Variants in AGO4 observed in about 807,000 individuals in gnomAD.
The protein encoded by AGO4 is argonaute RISC component 4.
A neutral mutation model predicts 104.7 loss-of-function variants in AGO4; 33 were observed. That is an observed-to-expected ratio of 0.32 (90% CI 0.24 to 0.42). AGO4 has a LOEUF of 0.42. AGO4 is among the 10% of genes least tolerant of loss of function. The pLI, the probability that AGO4 is intolerant of heterozygous loss-of-function variation, is 1.00. For missense variants in AGO4, 711 were observed against 1,083.4 expected (o/e 0.66, Z 4.83); for synonymous variants, 331 against 364.7 (o/e 0.91, Z 1.05).
At position 35,831,412 on chromosome 1, in the gene AGO4, C is replaced by A; in HGVS notation, c.849-15C>A. 6.4e-7 allele frequency: 1 copy of A among 1,565,600 alleles called. No homozygotes were observed. Among genetic ancestry groups the A allele is most frequent in the Non-Finnish European group, 8.6e-7 (1 of 1,162,012 alleles). On this transcript the variant is annotated splice_polypyrimidine_tract_variant and intron_variant, in intron 7 of 17. Coordinates refer to ENST00000373210, the MANE Select transcript of AGO4 (RefSeq NM_017629.4). ...ACTTGAAGAAATATTCTAAAAAAGA[C>A]ATTCTCTCCTATAGTTTTCCTTTGC...
Position 35,826,618 on chromosome 1 carries a change from G to A in AGO4, c.761-130G>A, listed in dbSNP as rs952335328. 6.1e-6 allele frequency: 5 copies of A among 819,428 alleles called. No homozygotes were observed. The African/African-American group carries it at 8.5e-5, about 14-fold the overall frequency. 50.8% of individuals were successfully genotyped at this position (819,428 alleles called of 1,614,324 possible). A position where few individuals can be genotyped will look rare whatever the true frequency, so the allele number is the denominator to read the frequency against. ...ACTCAGGTTTTTTGCCTATAACGAT[G>A]AAATTGTCCCCATATTCTTGCAATT... On this transcript the variant is annotated intron_variant, in intron 6 of 17. Coordinates refer to ENST00000373210, the MANE Select transcript of AGO4 (RefSeq NM_017629.4).
Position 35,850,144 on chromosome 1 carries a change from T to G in AGO4, c.2176-13T>G. 1.3e-6 allele frequency: 2 copies of G among 1,556,728 alleles called. No individual in the cohort carries two copies. Among genetic ancestry groups the G allele is most frequent in the Non-Finnish European group, 1.7e-6 (2 of 1,151,872 alleles). On this transcript the variant is annotated splice_polypyrimidine_tract_variant and intron_variant, in intron 15 of 17. Transcript: ENST00000373210. ...CACTTTGATGACTAATTACTTTTTTTTGTTTTTTGTAGGTAGGGAAAAGTG... is the reference window on the plus strand; with the variant it reads ...CACTTTGATGACTAATTACTTTTTTGTGTTTTTTGTAGGTAGGGAAAAGTG...
intron 2 of AGO4, among the ~76,000 whole-genome samples, chr1:35,822,403 G>A (rs1234767421): frequency 6.6e-6 from 1 of 151,636 alleles, no homozygotes; most frequent in East Asian, 1.9e-4. Flanking sequence ...TTACAGGCAC[G>A]TGCCACCATG....
At chr1:35,827,593 C>A (rs550009848) in intron 7 of AGO4, among the ~76,000 whole-genome samples, 1 of 152,152 alleles carries the variant, frequency 6.6e-6, no homozygotes, top group East Asian at 1.9e-4. Flanking sequence ...GCTTTTAACA[C>A]CAAAGTTTTA....
intron 12 of AGO4, among the ~76,000 whole-genome samples, chr1:35,834,735 A>T (rs1644265022): frequency 6.6e-6 from 1 of 152,118 alleles, no homozygotes; most frequent in Admixed American, 6.6e-5. Flanking sequence ...CAGCTCTGTC[A>T]CCCAGGCTGG....
chr1:35,818,946 T>C (rs1035909455), intron 2 of AGO4, among the ~76,000 whole-genome samples: 1 of 152,178 alleles, frequency 6.6e-6, no homozygotes, highest in Non-Finnish European at 1.5e-5. Context: ...GTGCTGAAAT[T>C]AGACCCTAGC....
At chr1:35,851,157 T>TAAATTGTA in intron 17 of AGO4, 104 bp downstream of exon 17, 1 of 1,184,676 alleles carries the variant, frequency 8.4e-7, no homozygotes, top group South Asian at 1.6e-5. Flanking sequence ...TTTCAGAGTT[T>TAAATTGTA]AAATTGTAAG....
Position 35,857,006 on chromosome 1 carries a change from G to T in AGO4, c.*3401G>T, listed in dbSNP as rs1350942727. 1 of 152,166 alleles carries T rather than the reference G, an allele frequency of 6.6e-6. No homozygotes were observed. Among genetic ancestry groups the T allele is most frequent in the East Asian group, 1.9e-4 (1 of 5,198 alleles). 9.4% of individuals were successfully genotyped at this position (152,166 alleles called of 1,614,324 possible). A position where few individuals can be genotyped will look rare whatever the true frequency, so the allele number is the denominator to read the frequency against. On this transcript the variant is annotated 3_prime_UTR_variant, in exon 18 of 18. Transcript: ENST00000373210. The stretch of plus-strand genomic sequence containing the variant: ...TTCATTCTTACTGTAAATTCTATTT[G>T]CTGCTTCCAAAGGTGATGATTTTCA...
chr1:35,844,622 C>G (rs1357434655), intron 15 of AGO4, among the ~76,000 whole-genome samples: 2 of 152,182 alleles, frequency 1.3e-5, no homozygotes, highest in Non-Finnish European at 2.9e-5. Flanking sequence ...TTTCCTATCT[C>G]CTTCCTCGTA....
Position 35,841,163 on chromosome 1 carries a change from A to G in AGO4, c.1725-2A>G, listed in dbSNP as rs758091832. On this transcript the variant is annotated splice_acceptor_variant, in intron 13 of 17. Coordinates refer to ENST00000373210, the MANE Select transcript of AGO4 (RefSeq NM_017629.4). LOFTEE classifies it high-confidence loss of function. The surrounding 1 kb of genome is among the most constrained non-coding windows in gnomAD (Gnocchi z 4.7). ...TGGCAACATCTCCTTAAATCTGAGC[A>G]GGCCCTCGGTGTTCCAGCAGCCTGT... 1 of 1,607,328 alleles carries G rather than the reference A, an allele frequency of 6.2e-7. No individual in the cohort carries two copies. The highest frequency in any genetic ancestry group is 8.5e-7 in the Non-Finnish European group (1 of 1,174,354).
intron 10 of AGO4, 95 bp from the exon 11 acceptor site, chr1:35,832,342 C>A: frequency 6.7e-7 from 1 of 1,491,434 alleles, no homozygotes; most frequent in South Asian, 1.4e-5. Flanking sequence ...TTTGTTTATT[C>A]ACTAGTCAAT....
rs767241901 is a variant in AGO4 at position 35,834,071 on chromosome 1, A to C, written c.1461A>C (p.Ala487=). Residue 487 remains alanine, a synonymous_variant, in exon 12 of 18, where the codon GCA becomes GCC. Transcript: ENST00000373210. ...GTCAGCCATGTTTCTGCAAGTATGC[A>C]CAAGGTGCAGACAGTGTGGAGCCTA... ...IQGQPCFCKY[A]QGADSVEPMF... The C allele has an allele frequency of 2.5e-6, 4 of 1,612,096 alleles. No individual in the cohort carries two copies. The highest frequency in any genetic ancestry group is 3.4e-6 in the Non-Finnish European group (4 of 1,179,164).
chr1:35,820,392 CTG>C (rs1369134133), intron 2 of AGO4, among the ~76,000 whole-genome samples: 2 of 152,052 alleles, frequency 1.3e-5, no homozygotes, highest in African/African-American at 4.8e-5. Context: ...GAGTCTCACT[CTG>C]TCACCCAGGT....
At position 35,832,568 on chromosome 1, in the gene AGO4, A is replaced by G. The variant is rs762201961; in HGVS notation, c.1377A>G (p.Leu459=). Residue 459 remains leucine, a splice_region_variant and synonymous_variant, in exon 11 of 18, where the codon CTA becomes CTG. Coordinates refer to ENST00000373210, the MANE Select transcript of AGO4 (RefSeq NM_017629.4). ...APQKQCREDL[L]KSFTDQLRKI... is the part of the protein sequence containing the mutation. ...AGAAACAATGTAGGGAAGATTTACT[A>G]AAGTGAGTATCTTCATATTTTCAGC... is the stretch of plus-strand genomic sequence containing the variant. The G allele has an allele frequency of 6.2e-7, 1 of 1,610,904 alleles. No individual in the cohort carries two copies. Among genetic ancestry groups the G allele is most frequent in the Non-Finnish European group, 8.5e-7 (1 of 1,179,114 alleles).
Position 35,841,025 on chromosome 1 carries a change from T to G in AGO4, c.1725-140T>G. The G allele has an allele frequency of 1.2e-6, 1 of 828,068 alleles. No homozygotes were observed. Among genetic ancestry groups the G allele is most frequent in the Non-Finnish European group, 1.9e-6 (1 of 532,526 alleles). The allele number at this position is 828,068 out of a possible 1,614,324, so 51.3% of individuals were successfully genotyped here. On this transcript the variant is annotated intron_variant, in intron 13 of 17. Coordinates refer to ENST00000373210, the MANE Select transcript of AGO4 (RefSeq NM_017629.4). The surrounding 1 kb of genome is among the most constrained non-coding windows in gnomAD (Gnocchi z 4.7). ...GGTGACATCAATATTCAGTGGTCCG[T>G]AGTGTTCTTTCCCAATGGGCTTAAG...
At chr1:35,824,245 C>G (rs1643957930) in intron 3 of AGO4, among the ~76,000 whole-genome samples, 1 of 151,848 alleles carries the variant, frequency 6.6e-6, no homozygotes, top group Non-Finnish European at 1.5e-5. Flanking sequence ...TTATCTGCAC[C>G]CTCACTACCA....
chr1:35,835,626 A>G (rs1293739745), intron 12 of AGO4, among the ~76,000 whole-genome samples: 1 of 152,046 alleles, frequency 6.6e-6, no homozygotes, highest in East Asian at 1.9e-4. Context: ...CAGGAGGGAA[A>G]AAAGGAGAGA....
rs1357191208 is a variant in AGO4 at position 35,855,211 on chromosome 1, C to T, written c.*1606C>T. The stretch of plus-strand genomic sequence containing the variant: ...AGGGGATAAAAGGCCTGGAGCCACA[C>T]TCTATATGGCTGAGGAAGGAGCTAG... On this transcript the variant is annotated 3_prime_UTR_variant, in exon 18 of 18. Transcript: ENST00000373210. 1 of 152,690 alleles carries T rather than the reference C, an allele frequency of 6.5e-6. No homozygotes were observed. The highest frequency in any genetic ancestry group is 3.4e-3 in the Middle Eastern group (1 of 294). The allele number at this position is 152,690 out of a possible 1,614,324, so 9.5% of individuals were successfully genotyped here.
intron 10 of AGO4, 44 bp downstream of exon 10, chr1:35,832,229 C>T: frequency 6.3e-7 from 1 of 1,596,858 alleles, no homozygotes; most frequent in Middle Eastern, 1.7e-4. Flanking sequence ...CACAACCAGT[C>T]AAAAAGAGAA....
Sources: gnomAD v4.1 joint callset for allele counts (sites outside exome capture counted in the v4.1 genomes callset) on GRCh38, gnomAD v4.1.1 for gene constraint, Gnocchi (gnomAD v3.1) non-coding constraint, MANE v1.5 for transcripts, NCBI Gene and HGNC (gene_info 2026-07-23, HGNC 2026-07-21) for gene names.